Variants in ARL8B observed in about 807,000 individuals in gnomAD.
The protein encoded by ARL8B is ADP-ribosylation factor-like protein 8B.
ARL8B carries 9 observed loss-of-function variants against 30.6 expected under a neutral mutation model. The ratio of observed to expected loss-of-function variants is 0.29; its 90% CI spans 0.18 to 0.51. The LOEUF (loss-of-function observed/expected upper bound fraction) is 0.51, where lower values mean the gene tolerates loss of function less well. ARL8B is among the 20% of genes least tolerant of loss of function. ARL8B has a pLI of 0.97. For missense variants in ARL8B, 130 were observed against 227.2 expected (o/e 0.57, Z 2.75); for synonymous variants, 74 against 76.0 (o/e 0.97, Z 0.14).
chr3:5,171,428 T>C (rs929435349), intron 2 of ARL8B, among the ~76,000 whole-genome samples: 8 of 151,590 alleles, frequency 5.3e-5, no homozygotes, highest in Non-Finnish European at 1.2e-4. Context: ...CTCGGCTCAC[T>C]GCAACCTCCG....
intron 1 of ARL8B, among the ~76,000 whole-genome samples, chr3:5,142,945 A>G (rs1404724181): frequency 6.6e-6 from 1 of 152,172 alleles, no homozygotes; most frequent in African/African-American, 2.4e-5. Context: ...TTATTCTTTA[A>G]GTGTCTTCAG....
Position 5,174,325 on chromosome 3 carries a change from C to T in ARL8B, c.441-19C>T. 1 of 1,544,714 alleles carries T rather than the reference C, an allele frequency of 6.5e-7. No individual in the cohort carries two copies. The highest frequency in any genetic ancestry group is 1.1e-5 in the South Asian group (1 of 89,488). On this transcript the variant is annotated intron_variant, in intron 5 of 6. Coordinates refer to ENST00000256496, the MANE Select transcript of ARL8B (RefSeq NM_018184.3). ...CAGCTGTTCTAAGCACAGACTTATC[C>T]TTTTAATTCTTCTCATAGGAATCTG...
At chr3:5,150,192 G>C (rs913427793) in intron 1 of ARL8B, among the ~76,000 whole-genome samples, 1 of 152,196 alleles carries the variant, frequency 6.6e-6, no homozygotes. Context: ...GCTGGGCACG[G>C]TGGCTTACGC....
At chr3:5,166,345 TTCG>T (rs1400002503) in intron 1 of ARL8B, among the ~76,000 whole-genome samples, 12 of 126,838 alleles carry the variant, frequency 9.5e-5, no homozygotes, top group African/African-American at 4.2e-4. Flanking sequence ...GCTGGTATCT[TTCG>T]TTTTTTTTTT....
At chr3:5,136,302 A>G (rs1403066099) in intron 1 of ARL8B, among the ~76,000 whole-genome samples, 1 of 152,218 alleles carries the variant, frequency 6.6e-6, no homozygotes, top group Non-Finnish European at 1.5e-5. Context: ...TTTATGTAAG[A>G]TAAACAAAGA....
At chr3:5,135,269 A>G (rs1344808790) in intron 1 of ARL8B, among the ~76,000 whole-genome samples, 1 of 151,630 alleles carries the variant, frequency 6.6e-6, no homozygotes, top group African/African-American at 2.4e-5. Context: ...CATTTAATTA[A>G]TGAAACACAT....
At chr3:5,129,012 ATT>A (rs57160472) in intron 1 of ARL8B, among the ~76,000 whole-genome samples, 54,249 of 151,522 alleles carry the variant, frequency 0.36, 10,564 homozygotes, top group African/African-American at 0.54. Flanking sequence ...CATTTGAGGG[ATT>A]TTTCCTATGT....
At chr3:5,160,201 T>A (rs2054569080) in intron 1 of ARL8B, among the ~76,000 whole-genome samples, 1 of 152,256 alleles carries the variant, frequency 6.6e-6, no homozygotes, top group South Asian at 2.1e-4. Flanking sequence ...TTGAGCTCTC[T>A]AGCACTAAGA....
At chr3:5,128,570 T>A (rs2106552481) in intron 1 of ARL8B, 6 of 377,828 alleles carry the variant, frequency 1.6e-5, no homozygotes, top group South Asian at 9.9e-5. Flanking sequence ...ATTTTTTAAG[T>A]TTTTCAAAGA....
Position 5,139,027 on chromosome 3 carries a change from C to T in ARL8B, c.123+16439C>T, listed in dbSNP as rs962297024. On this transcript the variant is annotated intron_variant, in intron 1 of 6. Coordinates refer to ENST00000256496, the MANE Select transcript of ARL8B (RefSeq NM_018184.3). ...TCTCTACTGATATATAAGCAGACAGCTAAAAGATTCCATACACTGTAGTTT... is the reference window on the plus strand; with the variant it reads ...TCTCTACTGATATATAAGCAGACAGTTAAAAGATTCCATACACTGTAGTTT... 8.5e-5 allele frequency among the ~76,000 whole-genome samples: 13 copies of T among 152,078 alleles called. 1 individual carries two copies. Among genetic ancestry groups the T allele is most frequent in the African/African-American group, 3.1e-4 (13 of 41,402 alleles).
chr3:5,149,656 C>T (rs187265461), intron 1 of ARL8B, among the ~76,000 whole-genome samples: 8 of 152,308 alleles, frequency 5.3e-5, no homozygotes, highest in Admixed American at 2.6e-4. Context: ...TTCCCAATAA[C>T]GAAACTTTCT....
intron 1 of ARL8B, among the ~76,000 whole-genome samples, chr3:5,139,005 C>T (rs138442951): frequency 1.8e-4 from 27 of 152,258 alleles, no homozygotes; most frequent in African/African-American, 6.0e-4. Context: ...ACAGATGTCT[C>T]TACTGATATA....
At chr3:5,125,628 G>T (rs1267402945) in intron 1 of ARL8B, among the ~76,000 whole-genome samples, 2 of 151,984 alleles carry the variant, frequency 1.3e-5, no homozygotes, top group African/African-American at 4.8e-5. Context: ...TGCCTCCTGG[G>T]TTCAAGCTAT....
At chr3:5,141,874 T>C (rs2106558572) in intron 1 of ARL8B, among the ~76,000 whole-genome samples, 1 of 152,350 alleles carries the variant, frequency 6.6e-6, no homozygotes. Flanking sequence ...TTGTTGATTA[T>C]AATAGATGTA....
At chr3:5,165,144 A>C (rs571651123) in intron 1 of ARL8B, among the ~76,000 whole-genome samples, 1 of 152,188 alleles carries the variant, frequency 6.6e-6, no homozygotes, top group Non-Finnish European at 1.5e-5. Context: ...CTTGCAGCTA[A>C]TGATCAGTTT....
In ARL8B at chr3:5,172,702, C is replaced by T; in HGVS notation, c.334C>T (p.His112Tyr). The change falls in exon 4 of 7, where the codon CAT becomes TAT. Residue 112 changes from histidine (H) to tyrosine (Y), a missense_variant. Coordinates refer to ENST00000256496, the MANE Select transcript of ARL8B (RefSeq NM_018184.3). ...GATAGAAGCTTCCCGAAATGAGCTA[C>T]ATAATCTTCTAGATAAACCACAGTT... ...EKIEASRNELHNLLDKPQLQG... is the reference protein window; with the variant it reads ...EKIEASRNELYNLLDKPQLQG... 1 of 1,612,086 alleles carries T rather than the reference C, an allele frequency of 6.2e-7. No individual in the cohort carries two copies. Among genetic ancestry groups the T allele is most frequent in the Non-Finnish European group, 8.5e-7 (1 of 1,178,860 alleles).
intron 1 of ARL8B, among the ~76,000 whole-genome samples, chr3:5,138,889 G>A (rs939020223): frequency 6.6e-5 from 10 of 152,254 alleles, no homozygotes; most frequent in Admixed American, 4.6e-4. Context: ...TGTTTCTTCA[G>A]TAATACCCAG....
At chr3:5,128,549 C>A in intron 1 of ARL8B, 1 of 399,332 alleles carries the variant, frequency 2.5e-6, no homozygotes, top group South Asian at 1.8e-5. Context: ...AGATATTTCA[C>A]AAGTTAATGG....
chr3:5,160,117 G>A (rs2054568557), intron 1 of ARL8B, among the ~76,000 whole-genome samples: 1 of 152,118 alleles, frequency 6.6e-6, no homozygotes, highest in South Asian at 2.1e-4. Context: ...GATTATGGCC[G>A]ACCTTTGATT....
Sources: gnomAD v4.1 joint callset for allele counts (sites outside exome capture counted in the v4.1 genomes callset) on GRCh38, gnomAD v4.1.1 for gene constraint, MANE v1.5 for transcripts, NCBI Gene and HGNC (gene_info 2026-07-23, HGNC 2026-07-21) for gene names.